The following DCDC2 variants were observed in gnomAD, a reference collection of about 807,000 sequenced individuals.
DCDC2 encodes the protein doublecortin domain-containing protein 2.
Under a neutral mutation model 50.2 loss-of-function variants are expected in DCDC2, and 40 were observed. The ratio of observed to expected loss-of-function variants is 0.80; its 90% CI spans 0.62 to 1.04. The LOEUF (loss-of-function observed/expected upper bound fraction) is 1.04. Among genes scored for constraint, DCDC2 ranks in the 50% least tolerant of loss-of-function variants. DCDC2 has a pLI of 0.00. For missense variants in DCDC2, 570 were observed against 581.9 expected, an observed-to-expected ratio of 0.98 and a Z score of 0.21; for synonymous variants, 234 against 210.6, an observed-to-expected ratio of 1.11 and a Z score of -0.96.
At chr6:24,240,689 AC>A (rs1762546664) in intron 7 of DCDC2, among the ~76,000 whole-genome samples, 1 of 152,226 alleles carries the variant, frequency 6.6e-6, no homozygotes, top group Non-Finnish European at 1.5e-5. Flanking sequence ...GATCAATAGT[AC>A]ACATTTAATA....
At chr6:24,242,850 T>C (rs1289767269) in intron 7 of DCDC2, among the ~76,000 whole-genome samples, 1 of 151,760 alleles carries the variant, frequency 6.6e-6, no homozygotes, top group Non-Finnish European at 1.5e-5. Context: ...TAATCCCAGC[T>C]ACATAGGAGG....
rs1236928301 is a variant in DCDC2, at chr6:24,178,463, T to C, written c.1193A>G (p.Gln398Arg). ...TCCATTTACACGAGCAGGGCGTGCC[T>C]GCTGCTCACTGTGATCCAGAATCTC... ...VEEILDHSEQQARPARVNGGT... is the reference protein window; with the variant it reads ...VEEILDHSEQRARPARVNGGT... The change falls in exon 9 of 10, where the codon CAG becomes CGG. Residue 398 changes from glutamine (Q) to arginine (R), a missense_variant. By Grantham distance (43) the Gln-to-Arg change is conservative. Coordinates refer to ENST00000378454, the MANE Select transcript of DCDC2 (RefSeq NM_016356.5). 5 of 1,614,096 alleles carry C rather than the reference T, an allele frequency of 3.1e-6. No individual in the cohort carries two copies. Among genetic ancestry groups the C allele is most frequent in the Non-Finnish European group, 8.5e-7 (1 of 1,180,046 alleles).
At chr6:24,361,901 T>A (rs1352953598), upstream of DCDC2, among the ~76,000 whole-genome samples, 1 of 152,100 alleles carries the variant, frequency 6.6e-6, no homozygotes, top group Non-Finnish European at 1.5e-5. Context: ...CTCTTGGATA[T>A]GATGTGGTGA....
chr6:24,323,828 C>A (rs1759812698), intron 2 of DCDC2, among the ~76,000 whole-genome samples: 1 of 152,082 alleles, frequency 6.6e-6, no homozygotes, highest in Non-Finnish European at 1.5e-5. Context: ...GTTTTAGTTT[C>A]AAAGAAATTT....
intron 2 of DCDC2, among the ~76,000 whole-genome samples, chr6:24,349,231 T>C (rs1760319286): frequency 6.6e-6 from 1 of 152,154 alleles, no homozygotes; most frequent in Non-Finnish European, 1.5e-5. Flanking sequence ...ACTAAATGGC[T>C]CAATGCAAAC....
the DCDC2 span, among the ~76,000 whole-genome samples, chr6:24,372,245 C>T: frequency 2.0e-5 from 3 of 152,084 alleles, no homozygotes; most frequent in African/African-American, 7.2e-5. Flanking sequence ...CACGGTGAAA[C>T]CCCTCTCTAC....
At chr6:24,312,271 T>C (rs1759585091) in intron 2 of DCDC2, among the ~76,000 whole-genome samples, 1 of 152,116 alleles carries the variant, frequency 6.6e-6, no homozygotes, top group South Asian at 2.1e-4. Flanking sequence ...TTAAAAAGCT[T>C]TATTGCTCAC....
At chr6:24,254,594 A>G (rs1164626272) in intron 7 of DCDC2, among the ~76,000 whole-genome samples, 1 of 152,112 alleles carries the variant, frequency 6.6e-6, no homozygotes, top group East Asian at 1.9e-4. Context: ...TACATCCCAA[A>G]CTTAACAATG....
At chr6:24,354,371 C>A (rs1760427691) in intron 1 of DCDC2, among the ~76,000 whole-genome samples, 1 of 152,076 alleles carries the variant, frequency 6.6e-6, no homozygotes, top group Non-Finnish European at 1.5e-5. Flanking sequence ...AAGTATAAAT[C>A]TAACATATAA....
chr6:24,254,144 A>G (rs979471425), intron 7 of DCDC2, among the ~76,000 whole-genome samples: 1 of 152,148 alleles, frequency 6.6e-6, no homozygotes, highest in Non-Finnish European at 1.5e-5. Flanking sequence ...GTCCCAGTGG[A>G]AGGTCTTCAG....
chr6:24,202,044 T>C lies in DCDC2; in HGVS notation c.1023+2958A>G, dbSNP rs190609665. 2.6e-5 allele frequency among the ~76,000 whole-genome samples: 4 copies of C among 151,944 alleles called. No individual in the cohort carries two copies. The East Asian group carries it at 7.7e-4, about 29-fold the overall frequency. ...GAACCAGGCAGATTCACAGCTGAAT[T>C]CTACCAGACATATAAAAAGGAGCTG... is the stretch of plus-strand genomic sequence containing the variant. On this transcript the variant is annotated intron_variant, in intron 8 of 9. Coordinates refer to ENST00000378454, the MANE Select transcript of DCDC2 (RefSeq NM_016356.5).
chr6:24,222,147 T>C (rs1762132537), intron 7 of DCDC2, among the ~76,000 whole-genome samples: 1 of 152,064 alleles, frequency 6.6e-6, no homozygotes, highest in South Asian at 2.1e-4. Flanking sequence ...ATCACAACTG[T>C]AGGGCAGTGT....
intron 2 of DCDC2, among the ~76,000 whole-genome samples, chr6:24,347,361 A>G (rs947366103): frequency 6.6e-6 from 1 of 152,192 alleles, no homozygotes; most frequent in African/African-American, 2.4e-5. Flanking sequence ...GCTAACAACC[A>G]CAACGCCTAG....
At chr6:24,292,999 T>A (rs1763784291) in intron 4 of DCDC2, among the ~76,000 whole-genome samples, 1 of 152,186 alleles carries the variant, frequency 6.6e-6, no homozygotes, top group African/African-American at 2.4e-5. Flanking sequence ...TATATCTCAA[T>A]CAGTAGTAAT....
intron 2 of DCDC2, among the ~76,000 whole-genome samples, chr6:24,328,194 G>A (rs1213065065): frequency 6.6e-6 from 1 of 152,222 alleles, no homozygotes; most frequent in Non-Finnish European, 1.5e-5. Context: ...CTATTGCTCA[G>A]GTCACAGAGT....
chr6:24,288,142 A>G (rs1296933346), intron 6 of DCDC2, among the ~76,000 whole-genome samples: 1 of 152,232 alleles, frequency 6.6e-6, no homozygotes, highest in Non-Finnish European at 1.5e-5. Context: ...TGCTTAATTA[A>G]TTCAGGGTGT....
rs561870782 is a variant in DCDC2, at chr6:24,288,046, C to CA, written c.759+805dup. Among the ~76,000 whole-genome samples, 182 of 151,212 alleles carry CA rather than the reference C, an allele frequency of 1.2e-3. 2 individuals are homozygous for CA. The South Asian group carries it at 0.033, about 27-fold the overall frequency. On this transcript the variant is annotated intron_variant, in intron 6 of 9. Coordinates refer to ENST00000378454, the MANE Select transcript of DCDC2 (RefSeq NM_016356.5). ...TTTCAAGAATTTCACATGATATAAC[C>CA]AAAAAAAAGGAGGGATCTAAATCAT...
At chr6:24,320,675 TAATAGATACAG>T (rs1759758418) in intron 2 of DCDC2, among the ~76,000 whole-genome samples, 3 of 152,162 alleles carry the variant, frequency 2.0e-5, no homozygotes, top group Non-Finnish European at 4.4e-5. Context: ...TAGACATGCA[TAATAGATACAG>T]AATAGATACA....
At chr6:24,240,633 C>A (rs1762544848) in intron 7 of DCDC2, among the ~76,000 whole-genome samples, 1 of 152,066 alleles carries the variant, frequency 6.6e-6, no homozygotes, top group Non-Finnish European at 1.5e-5. Context: ...ATTTCAAAAT[C>A]AAAGTAATAC....
Sources: allele counts gnomAD v4.1 joint callset (sites outside exome capture counted in the v4.1 genomes callset), GRCh38; gene constraint gnomAD v4.1.1; transcripts MANE v1.5; gene names NCBI Gene and HGNC (gene_info 2026-07-23, HGNC 2026-07-21).